HS3ST4: variants seen among roughly 807,000 people sequenced by gnomAD.
HS3ST4 encodes the protein heparan sulfate-glucosamine 3-sulfotransferase 4.
HS3ST4 carries 17 observed loss-of-function variants against 29.2 expected under a neutral mutation model. The observed-to-expected ratio is 0.58, with a 90% CI of 0.40 to 0.87. The LOEUF (loss-of-function observed/expected upper bound fraction) is 0.87, where lower values mean the gene tolerates loss of function less well. Ranked by LOEUF, HS3ST4 falls within the 40% of genes least tolerant of loss-of-function variation. The pLI is 0.00. For synonymous variants in HS3ST4, 314 were observed against 285.7 expected (o/e 1.10, Z -1.00); for missense variants, 627 against 634.5 (o/e 0.99, Z 0.13).
chr16:25,766,779 C>G lies in HS3ST4; in HGVS notation c.734+73628C>G, dbSNP rs549425437. Among the ~76,000 whole-genome samples the G allele has an allele frequency of 3.9e-5, 6 of 152,314 alleles. No individual in the cohort carries two copies. In the South Asian group the frequency reaches 1.2e-3, roughly 32 times the overall value. ...AAATCACTGCAGATGCCTGTAATGA[C>G]AGTGTAATGAGCAACCACAGGCCTT... On this transcript the variant is annotated intron_variant, in intron 1 of 1. Coordinates refer to ENST00000331351, the MANE Select transcript of HS3ST4 (RefSeq NM_006040.3).
At chr16:25,969,438 C>T (rs184482639) in intron 1 of HS3ST4, among the ~76,000 whole-genome samples, 13 of 152,292 alleles carry the variant, frequency 8.5e-5, no homozygotes, top group Admixed American at 4.6e-4. Context: ...CCTAGCAATC[C>T]GCTTGTACAG....
At chr16:25,732,380 T>C (rs896972132) in intron 1 of HS3ST4, among the ~76,000 whole-genome samples, 1 of 152,238 alleles carries the variant, frequency 6.6e-6, no homozygotes, top group Non-Finnish European at 1.5e-5. Context: ...CCATCTTGAC[T>C]GGCTCATTTG....
At chr16:25,727,888 G>A (rs1454507493) in intron 1 of HS3ST4, among the ~76,000 whole-genome samples, 1 of 152,160 alleles carries the variant, frequency 6.6e-6, no homozygotes, top group East Asian at 1.9e-4. Context: ...CAACATTATG[G>A]ACCTCGTGGA....
intron 1 of HS3ST4, among the ~76,000 whole-genome samples, chr16:25,714,888 G>A (rs1966441463): frequency 6.6e-6 from 1 of 152,222 alleles, no homozygotes; most frequent in African/African-American, 2.4e-5. Flanking sequence ...CTCTGGAAAT[G>A]TTTGTATAGA....
At chr16:25,834,304 G>A (rs1967335876) in intron 1 of HS3ST4, among the ~76,000 whole-genome samples, 1 of 152,170 alleles carries the variant, frequency 6.6e-6, no homozygotes, top group Non-Finnish European at 1.5e-5. Context: ...AGGGGGCTCA[G>A]CAATCTTTGT....
At chr16:25,915,243 C>A (rs116650556) in intron 1 of HS3ST4, among the ~76,000 whole-genome samples, 1 of 152,078 alleles carries the variant, frequency 6.6e-6, no homozygotes, top group Admixed American at 6.6e-5. Flanking sequence ...CCCAAGACTC[C>A]GGGCGTGGGT....
intron 1 of HS3ST4, among the ~76,000 whole-genome samples, chr16:25,892,380 A>G (rs1479051277): frequency 1.3e-5 from 2 of 152,158 alleles, no homozygotes; most frequent in African/African-American, 2.4e-5. Flanking sequence ...ACTTTTTTCA[A>G]TTTAATCTCC....
At chr16:26,039,715 C>T (rs1969617974) in intron 1 of HS3ST4, among the ~76,000 whole-genome samples, 1 of 152,052 alleles carries the variant, frequency 6.6e-6, no homozygotes, top group Admixed American at 6.6e-5. Flanking sequence ...CATTAAGCAT[C>T]TCCACCTCCC....
At chr16:25,931,854 T>G (rs1324921951) in intron 1 of HS3ST4, among the ~76,000 whole-genome samples, 1 of 152,304 alleles carries the variant, frequency 6.6e-6, no homozygotes, top group South Asian at 2.1e-4. Flanking sequence ...CTGCTATTCC[T>G]TCAAGTCTTC....
Position 25,990,246 on chromosome 16 carries a change from C to T in HS3ST4, c.735-145366C>T, listed in dbSNP as rs372807582. Reference sequence around the variant, plus strand: ...GTTTGCAGGTTTTTGTGTGGACATACGTTTTCAGCTCCTTTGGGTATATAT... The same window carrying T: ...GTTTGCAGGTTTTTGTGTGGACATATGTTTTCAGCTCCTTTGGGTATATAT... On this transcript the variant is annotated intron_variant, in intron 1 of 1. Coordinates refer to ENST00000331351, the MANE Select transcript of HS3ST4 (RefSeq NM_006040.3). Among the ~76,000 whole-genome samples the T allele has an allele frequency of 7.9e-5, 12 of 152,284 alleles. No individual in the cohort carries two copies. In the East Asian group the frequency reaches 1.7e-3, roughly 22 times the overall value.
intron 1 of HS3ST4, among the ~76,000 whole-genome samples, chr16:25,930,744 C>T (rs936894847): frequency 3.9e-5 from 6 of 152,058 alleles, no homozygotes; most frequent in Admixed American, 3.3e-4. Flanking sequence ...ATTAGCCACT[C>T]CAGATTTATG....
intron 1 of HS3ST4, among the ~76,000 whole-genome samples, chr16:25,865,904 TC>T (rs1967689417): frequency 6.6e-6 from 1 of 152,152 alleles, no homozygotes; most frequent in African/African-American, 2.4e-5. Context: ...TCTCAACATT[TC>T]TATGGGCAAA....
chr16:26,021,810 C>T (rs748883424), intron 1 of HS3ST4, among the ~76,000 whole-genome samples: 3 of 152,002 alleles, frequency 2.0e-5, no homozygotes, highest in Non-Finnish European at 2.9e-5. Context: ...ATTGCAGGCA[C>T]GTGCTGCCAC....
Position 25,692,773 on chromosome 16 carries a change from C to T in HS3ST4, c.356C>T (p.Ala119Val), listed in dbSNP as rs1429397513. The change falls in exon 1 of 2, where the codon GCC becomes GTC. Residue 119 changes from alanine to valine, a missense_variant. Physicochemically the swap from Ala to Val is moderately conservative, Grantham distance 64 (BLOSUM62 0). Transcript: ENST00000331351. Reference sequence around the variant, plus strand: ...CCGCCCGAGCCCCCAGAGCAGCCAGCCGCCCCCGGGACCGACGGCTGGGGG... The same window carrying T: ...CCGCCCGAGCCCCCAGAGCAGCCAGTCGCCCCCGGGACCGACGGCTGGGGG... ...GEPPEPPEQP[A>V]APGTDGWGLP... 7.4e-7 allele frequency: 1 copy of T among 1,342,404 alleles called. No individual in the cohort carries two copies. The highest frequency in any genetic ancestry group is 9.5e-7 in the Non-Finnish European group (1 of 1,056,108). The allele number at this position is 1,342,404 out of a possible 1,614,324, so 83.2% of individuals were successfully genotyped here.
chr16:25,986,351 G>A (rs11645216), intron 1 of HS3ST4, among the ~76,000 whole-genome samples: 18,085 of 152,190 alleles, frequency 0.12, 1,181 homozygotes, highest in Middle Eastern at 0.15. Context: ...CTTCTATTAG[G>A]TTGGCTTTCT....
At chr16:25,716,522 T>C (rs8055371) in intron 1 of HS3ST4, among the ~76,000 whole-genome samples, 63,568 of 152,086 alleles carry the variant, frequency 0.42, 14,904 homozygotes, top group East Asian at 0.74. Context: ...ATCTTGAAAA[T>C]GCTGAGGCAA....
At chr16:26,049,717 G>C (rs1432329949) in intron 1 of HS3ST4, among the ~76,000 whole-genome samples, 1 of 152,074 alleles carries the variant, frequency 6.6e-6, no homozygotes, top group African/African-American at 2.4e-5. Flanking sequence ...TTGAGGCTGG[G>C]CTCAAGCCCC....
At chr16:25,834,708 G>A (rs1967339758) in intron 1 of HS3ST4, among the ~76,000 whole-genome samples, 1 of 152,194 alleles carries the variant, frequency 6.6e-6, no homozygotes, top group Non-Finnish European at 1.5e-5. Context: ...AACTTTAAGA[G>A]GCCGAGGCAG....
At chr16:26,051,043 C>T (rs1277718708) in intron 1 of HS3ST4, among the ~76,000 whole-genome samples, 1 of 152,036 alleles carries the variant, frequency 6.6e-6, no homozygotes, top group Non-Finnish European at 1.5e-5. Flanking sequence ...GAGACTGGCA[C>T]CCTCTGTGTT....
Sources: allele counts gnomAD v4.1 joint callset (sites outside exome capture counted in the v4.1 genomes callset), GRCh38; gene constraint gnomAD v4.1.1; transcripts MANE v1.5; gene names NCBI Gene and HGNC (gene_info 2026-07-23, HGNC 2026-07-21).